Variants in AMOT observed in about 807,000 individuals in gnomAD.
AMOT encodes angiomotin.
AMOT carries 11 observed loss-of-function variants against 67.0 expected under a neutral mutation model. The observed-to-expected ratio is 0.16, with a 90% CI of 0.10 to 0.27. The LOEUF (loss-of-function observed/expected upper bound fraction) is 0.27, where lower values mean the gene tolerates loss of function less well. Ranked by LOEUF, AMOT falls within the 10% of genes least tolerant of loss-of-function variation. The pLI is 1.00. For missense variants in AMOT, 753 were observed against 852.0 expected (o/e 0.88, Z 1.45); for synonymous variants, 326 against 321.4 (o/e 1.01, Z -0.15).
At chrX:112,828,439 T>C (rs1934897549) in intron 2 of AMOT, among the ~76,000 whole-genome samples, 1 of 105,963 alleles carries the variant, frequency 9.4e-6, no homozygotes, top group African/African-American at 3.5e-5. Flanking sequence ...GTGCTAAGCA[T>C]GGAGCCTGGC....
intron 2 of AMOT, among the ~76,000 whole-genome samples, chrX:112,829,250 G>A (rs1385708577): frequency 9.0e-6 from 1 of 111,665 alleles, no homozygotes; most frequent in Non-Finnish European, 1.9e-5. Context: ...GAGGTTTGGT[G>A]GGAGGTGATT....
At chrX:112,816,833 G>A (rs1934578556) in intron 4 of AMOT, among the ~76,000 whole-genome samples, 1 of 111,771 alleles carries the variant, frequency 8.9e-6, no homozygotes, top group Admixed American at 9.5e-5. Context: ...GAGACCTTTG[G>A]TACATTGTTT....
At chrX:112,799,233 A>C (rs1319589922) in intron 8 of AMOT, among the ~76,000 whole-genome samples, 2 of 112,021 alleles carry the variant, frequency 1.8e-5, no homozygotes, top group Non-Finnish European at 3.8e-5. Flanking sequence ...TGAGGATAAC[A>C]CTTGCAAGGT....
chrX:112,796,371 G>GTGTT (rs1432523200), intron 8 of AMOT, among the ~76,000 whole-genome samples: 1 of 112,099 alleles, frequency 8.9e-6, no homozygotes, highest in African/African-American at 3.2e-5. Flanking sequence ...AGTGGTTCGA[G>GTGTT]TGTTTGTGCA....
chrX:112,830,888 C>T (rs1362300799), intron 2 of AMOT, among the ~76,000 whole-genome samples: 2 of 111,856 alleles, frequency 1.8e-5, no homozygotes, highest in Non-Finnish European at 3.8e-5. Flanking sequence ...GTTCTTGTGA[C>T]CCAACCTGCT....
chrX:112,819,809 G>A (rs1476038514), intron 4 of AMOT, among the ~76,000 whole-genome samples: 1 of 112,509 alleles, frequency 8.9e-6, no homozygotes, highest in Non-Finnish European at 1.9e-5. Context: ...CGAAAAGCAA[G>A]CAAATGTTTT....
Position 112,775,249 on chromosome X carries a change from G to T in AMOT, c.*3318C>A, listed in dbSNP as rs986529986. 8.9e-6 allele frequency: 1 copy of T among 112,783 alleles called. No individual in the cohort carries two copies. Among genetic ancestry groups the T allele is most frequent in the African/African-American group, 3.2e-5 (1 of 30,981 alleles). 9.3% of individuals were successfully genotyped at this position (112,783 alleles called of 1,213,427 possible). A position where few individuals can be genotyped will look rare whatever the true frequency, so the allele number is the denominator to read the frequency against. On this transcript the variant is annotated 3_prime_UTR_variant, in exon 14 of 14. Coordinates refer to ENST00000371959, the MANE Select transcript of AMOT (RefSeq NM_001113490.2). ...TGAAATTGGTGGCAATTAGCCCACA[G>T]CTGATACCTTCCTTTGAAAACATTT...
chrX:112,819,327 C>G (rs1276662659), intron 4 of AMOT: 2 of 751,773 alleles, frequency 2.7e-6, no homozygotes, highest in Non-Finnish European at 3.1e-6. Context: ...ATCCTCACCA[C>G]AGAAACTGCC....
chrX:112,831,931 A>C lies in AMOT; in HGVS notation c.-212+363T>G, dbSNP rs777713139. On this transcript the variant is annotated intron_variant, in intron 2 of 13. Transcript: ENST00000371959. The stretch of plus-strand genomic sequence containing the variant: ...ATGGCCTTTCCTCCCATATATCTCC[A>C]AGCTAGACCTTGCAATACACAGCTC... 2.7e-5 allele frequency among the ~76,000 whole-genome samples: 3 copies of C among 111,239 alleles called. No individual in the cohort carries two copies. The East Asian group carries it at 8.5e-4, about 32-fold the overall frequency.
In AMOT at chrX:112,837,750, G is replaced by C. The variant is rs188390693; in HGVS notation, c.-289+2702C>G. 3.6e-5 allele frequency among the ~76,000 whole-genome samples: 4 copies of C among 111,636 alleles called. No homozygotes were observed. The East Asian group carries it at 1.1e-3, about 31-fold the overall frequency. On this transcript the variant is annotated intron_variant, in intron 1 of 13. Transcript: ENST00000371959. The stretch of plus-strand genomic sequence containing the variant: ...GGAGGGAAAAGTAAGTAAGACTAAA[G>C]ACAACACATCATAGTAAAACACCAA...
rs768234510 is a variant in AMOT at position 112,781,041 on chromosome X, G to A, written c.2318C>T (p.Pro773Leu). ...GCACGACAGCTGCTCTGTCTTGCTC[G>A]GCTCCTTCCGGGAACGCTGCTGGAG... ...KVLQQRSRKE[P>L]SKTEQLSCMR... The change falls in exon 12 of 14, where the codon CCG (proline) becomes CTG (leucine). Residue 773 changes from proline (P) to leucine (L), a missense_variant. Physicochemically the swap from Pro to Leu is moderately conservative, Grantham distance 98. Coordinates refer to ENST00000371959, the MANE Select transcript of AMOT (RefSeq NM_001113490.2). 1.2e-5 allele frequency: 15 copies of A among 1,210,418 alleles called. No homozygotes were observed. The highest frequency in any genetic ancestry group is 2.3e-4 in the Middle Eastern group (1 of 4,350).
At chrX:112,806,427 A>G (rs1934193142) in intron 7 of AMOT, among the ~76,000 whole-genome samples, 1 of 107,814 alleles carries the variant, frequency 9.3e-6, no homozygotes, top group South Asian at 4.1e-4. Flanking sequence ...AAATACTTGC[A>G]TGTGTGTGCA....
intron 7 of AMOT, among the ~76,000 whole-genome samples, chrX:112,806,678 T>G (rs1006524837): frequency 1.4e-4 from 16 of 111,801 alleles, no homozygotes; most frequent in Non-Finnish European, 3.0e-4. Context: ...AGCATTTGCA[T>G]AAGTTAATAC....
chrX:112,795,855 T>C (rs889550296), intron 8 of AMOT, among the ~76,000 whole-genome samples: 12 of 111,347 alleles, frequency 1.1e-4, no homozygotes, highest in African/African-American at 3.6e-4. Context: ...TTACCTGTCT[T>C]CCCTAGAGAA....
chrX:112,821,510 A>C (rs1934714837), intron 4 of AMOT, among the ~76,000 whole-genome samples: 1 of 112,069 alleles, frequency 8.9e-6, no homozygotes, highest in Admixed American at 9.5e-5. Context: ...ATATATAGGA[A>C]CAACTAAATA....
intron 2 of AMOT, among the ~76,000 whole-genome samples, chrX:112,827,656 G>A (rs1262914504): frequency 9.0e-6 from 1 of 111,718 alleles, no homozygotes; most frequent in East Asian, 2.8e-4. Context: ...GGGAAGCAAG[G>A]CCAAGCTAAA....
intron 8 of AMOT, among the ~76,000 whole-genome samples, chrX:112,797,680 C>T (rs1203475345): frequency 1.8e-5 from 2 of 110,956 alleles, no homozygotes; most frequent in African/African-American, 3.3e-5. Flanking sequence ...ACCTGGGTGG[C>T]GGAGGCAGGA....
chrX:112,806,999 C>T (rs1482883414), intron 7 of AMOT, among the ~76,000 whole-genome samples: 2 of 111,861 alleles, frequency 1.8e-5, no homozygotes, highest in East Asian at 5.6e-4. Context: ...GCATTCTGTT[C>T]TTAACAAGGC....
chrX:112,819,984 A>G (rs1459147274), intron 4 of AMOT, among the ~76,000 whole-genome samples: 1 of 112,014 alleles, frequency 8.9e-6, no homozygotes, highest in Non-Finnish European at 1.9e-5. Flanking sequence ...AAGGAGGGAA[A>G]ATGTGTCACC....
Sources: gnomAD v4.1 joint callset for allele counts (sites outside exome capture counted in the v4.1 genomes callset) on GRCh38, gnomAD v4.1.1 for gene constraint, MANE v1.5 for transcripts, NCBI Gene and HGNC (gene_info 2026-07-23, HGNC 2026-07-21) for gene names.